Variants in PTPRK observed in about 807,000 individuals in gnomAD.
PTPRK encodes protein tyrosine phosphatase receptor type K, also known as receptor-type tyrosine-protein phosphatase kappa.
Under a neutral mutation model 178.0 loss-of-function variants are expected in PTPRK, and 75 were observed. That is an observed-to-expected ratio of 0.42 (90% CI 0.35 to 0.51). The LOEUF is 0.51. Ranked by LOEUF, PTPRK falls within the 20% of genes least tolerant of loss-of-function variation. The pLI is 0.02. For missense variants in PTPRK, 1,441 were observed against 1,797.8 expected (o/e 0.80, Z 3.59); for synonymous variants, 637 against 620.6 (o/e 1.03, Z -0.39).
chr6:128,247,671 T>C (rs1205234748), intron 3 of PTPRK, among the ~76,000 whole-genome samples: 2 of 152,184 alleles, frequency 1.3e-5, no homozygotes, highest in Admixed American at 1.3e-4. Context: ...AAAACTTCAA[T>C]TTCTTCTTCT....
rs1436393002 is a variant in PTPRK at position 128,005,144 on chromosome 6, G to C, written c.2434C>G (p.Leu812Val). ...MDRSYADQST[L>V]HAEDPLSITF... ...ATGGAAAGAGGATCTTCTGCATGCA[G>C]AGTGCTCTGATCAGCATAACTTCGA... The change falls in exon 15 of 30, where the codon CTG (leucine) becomes GTG (valine). Residue 812 changes from leucine (L) to valine (V), a missense_variant. Transcript: ENST00000368226. 2.5e-6 allele frequency: 4 copies of C among 1,611,334 alleles called. No homozygotes were observed. The highest frequency in any genetic ancestry group is 1.7e-5 in the Admixed American group (1 of 59,728).
intron 2 of PTPRK, among the ~76,000 whole-genome samples, chr6:128,366,542 A>G (rs939575991): frequency 4.6e-5 from 7 of 152,162 alleles, no homozygotes; most frequent in African/African-American, 1.7e-4. Flanking sequence ...GACATGCAAA[A>G]GACTACTACA....
intron 2 of PTPRK, among the ~76,000 whole-genome samples, chr6:128,379,218 C>G (rs1837528879): frequency 2.0e-5 from 3 of 152,046 alleles, no homozygotes; most frequent in South Asian, 2.1e-4. Context: ...CTCTCTCTAT[C>G]TCTGTACTCT....
chr6:128,266,961 T>C (rs1819051691), intron 3 of PTPRK, among the ~76,000 whole-genome samples: 2 of 152,140 alleles, frequency 1.3e-5, no homozygotes, highest in Admixed American at 1.3e-4. Flanking sequence ...ATTCTAGAAA[T>C]CATCAACTGT....
intron 11 of PTPRK, among the ~76,000 whole-genome samples, chr6:128,069,927 T>C (rs905301661): frequency 5.9e-5 from 9 of 152,240 alleles, no homozygotes; most frequent in Admixed American, 5.2e-4. Context: ...GCCTTAAGTA[T>C]GGTCCCATAG....
chr6:128,175,586 C>T, intron 7 of PTPRK, among the ~76,000 whole-genome samples: 1 of 151,554 alleles, frequency 6.6e-6, no homozygotes, highest in East Asian at 1.9e-4. Flanking sequence ...ATGGCAATTA[C>T]AATAAGCGGA....
At chr6:128,278,782 C>A (rs1200127737) in intron 3 of PTPRK, among the ~76,000 whole-genome samples, 2 of 152,128 alleles carry the variant, frequency 1.3e-5, no homozygotes, top group African/African-American at 4.8e-5. Context: ...GTCTGAAAAA[C>A]TTACTATAAA....
In PTPRK at chr6:128,078,929, A is replaced by T. The variant is rs138721678; in HGVS notation, c.1778-11T>A. The T allele has an allele frequency of 5.7e-4, 871 of 1,536,566 alleles. 6 individuals carry two copies. The African/African-American group carries it at 0.011, about 19-fold the overall frequency. On this transcript the variant is annotated splice_polypyrimidine_tract_variant and intron_variant, in intron 10 of 29. Coordinates refer to ENST00000368226, the MANE Select transcript of PTPRK (RefSeq NM_002844.4). ...CAGGTAAAGTTGGAGCTGATGAGTGATTAATGAGATAAAAAAGGTTCAATT... is the reference window on the plus strand; with the variant it reads ...CAGGTAAAGTTGGAGCTGATGAGTGTTTAATGAGATAAAAAAGGTTCAATT...
At position 128,347,961 on chromosome 6, in the gene PTPRK, C is replaced by T. The variant is rs778265101; in HGVS notation, c.224-25651G>A. On this transcript the variant is annotated intron_variant, in intron 2 of 29. Transcript: ENST00000368226. Reference sequence around the variant, plus strand: ...CTAAGTTCTTGAAATCTTGCTTTATCAGAAATACAATACCTATGGGAATTA... The same window carrying T: ...CTAAGTTCTTGAAATCTTGCTTTATTAGAAATACAATACCTATGGGAATTA... Among the ~76,000 whole-genome samples the T allele has an allele frequency of 2.0e-5, 3 of 151,874 alleles. 1 individual carries two copies. The highest frequency in any genetic ancestry group is 7.2e-5 in the African/African-American group (3 of 41,390).
chr6:128,192,386 G>C (rs866183475), intron 6 of PTPRK, among the ~76,000 whole-genome samples: 1 of 152,066 alleles, frequency 6.6e-6, no homozygotes, highest in African/African-American at 2.4e-5. Context: ...AATACAATTT[G>C]TTAGGTGCCC....
intron 15 of PTPRK, chr6:128,000,304 T>C (rs749024831): frequency 1.2e-5 from 15 of 1,303,638 alleles, no homozygotes; most frequent in African/African-American, 7.7e-5. Context: ...AATGAATTGT[T>C]GTCCCCATGA....
intron 1 of PTPRK, among the ~76,000 whole-genome samples, chr6:128,421,477 T>G (rs542803820): frequency 2.6e-5 from 4 of 152,318 alleles, no homozygotes; most frequent in South Asian, 4.1e-4. Flanking sequence ...TTTATTTTCC[T>G]TTTTTTCAAT....
At chr6:128,043,516 A>C (rs2114844433) in intron 13 of PTPRK, among the ~76,000 whole-genome samples, 1 of 102,744 alleles carries the variant, frequency 9.7e-6, no homozygotes, top group Non-Finnish European at 2.1e-5. Flanking sequence ...ATAAGTTTAA[A>C]TTCACTTATG....
chr6:128,095,693 A>G (rs1582985606), intron 7 of PTPRK, among the ~76,000 whole-genome samples: 1 of 152,196 alleles, frequency 6.6e-6, no homozygotes, highest in East Asian at 1.9e-4. Flanking sequence ...GAACAAAGTC[A>G]GGGGCTAGGG....
intron 7 of PTPRK, among the ~76,000 whole-genome samples, chr6:128,160,391 C>T (rs951561894): frequency 2.6e-5 from 4 of 151,476 alleles, no homozygotes; most frequent in Non-Finnish European, 5.9e-5. Flanking sequence ...TGATAATGAA[C>T]AAAAGTTTCA....
intron 13 of PTPRK, among the ~76,000 whole-genome samples, chr6:128,017,804 A>ATG (rs1191912514): frequency 3.3e-5 from 3 of 89,770 alleles, no homozygotes; most frequent in African/African-American, 1.9e-4. Context: ...ATATATGTGT[A>ATG]TATATATATA....
chr6:128,031,691 G>C (rs938958485), intron 13 of PTPRK, among the ~76,000 whole-genome samples: 3 of 152,128 alleles, frequency 2.0e-5, no homozygotes, highest in Non-Finnish European at 2.9e-5. Context: ...ACTTCCAAAT[G>C]TTTCTACAAT....
In PTPRK at chr6:128,010,355, A is replaced by G. The variant is rs554645291; in HGVS notation, c.2195-1087T>C. 1.1e-4 allele frequency among the ~76,000 whole-genome samples: 16 copies of G among 151,408 alleles called. No homozygotes were observed. The South Asian group carries it at 1.5e-3, about 14-fold the overall frequency. ...GGAGTCAAGAGATGGTGTCCACATGAACAGATACGCAAAGAAATCTCTAAA... is the reference window on the plus strand; with the variant it reads ...GGAGTCAAGAGATGGTGTCCACATGGACAGATACGCAAAGAAATCTCTAAA... On this transcript the variant is annotated intron_variant, in intron 13 of 29. Transcript: ENST00000368226.
chr6:128,043,934 T>C (rs1326289277), intron 13 of PTPRK, among the ~76,000 whole-genome samples: 3 of 151,978 alleles, frequency 2.0e-5, no homozygotes, highest in Non-Finnish European at 4.4e-5. Context: ...AAATAGTTTA[T>C]TACAAAAGTA....
Sources: allele counts gnomAD v4.1 joint callset (sites outside exome capture counted in the v4.1 genomes callset), GRCh38; gene constraint gnomAD v4.1.1; transcripts MANE v1.5; gene names NCBI Gene and HGNC (gene_info 2026-07-23, HGNC 2026-07-21).